DIS3L2: variants seen among roughly 807,000 people sequenced by gnomAD.
The protein encoded by DIS3L2 is DIS3-like exonuclease 2.
Under a neutral mutation model 97.5 loss-of-function variants are expected in DIS3L2, and 34 were observed. That is an observed-to-expected ratio of 0.35 (90% CI 0.27 to 0.46). The LOEUF is 0.46. Among genes scored for constraint, DIS3L2 ranks in the 20% least tolerant of loss-of-function variants. DIS3L2 has a pLI of 1.00. For synonymous variants in DIS3L2, 435 were observed against 445.2 expected, an observed-to-expected ratio of 0.98 and a Z score of 0.29; for missense variants, 1,038 against 1,146.0, an observed-to-expected ratio of 0.91 and a Z score of 1.36.
intron 6 of DIS3L2, among the ~76,000 whole-genome samples, chr2:232,106,336 A>T (rs1697356970): frequency 6.6e-6 from 1 of 152,190 alleles, no homozygotes. Flanking sequence ...ATAATACTGA[A>T]TGAAAATGGT....
intron 4 of DIS3L2, among the ~76,000 whole-genome samples, chr2:232,024,819 G>A (rs1486488358): frequency 6.6e-6 from 1 of 152,034 alleles, no homozygotes; most frequent in East Asian, 1.9e-4. Flanking sequence ...TTTGTACAAG[G>A]CTCTTTACCG....
intron 6 of DIS3L2, among the ~76,000 whole-genome samples, chr2:232,106,471 C>T (rs1219302871): frequency 1.3e-5 from 2 of 152,084 alleles, no homozygotes; most frequent in East Asian, 1.9e-4. Flanking sequence ...CAAAGAAGGG[C>T]ATTACATAAT....
intron 1 of DIS3L2, among the ~76,000 whole-genome samples, chr2:232,003,979 A>G (rs1243745287): frequency 2.0e-5 from 3 of 152,086 alleles, no homozygotes; most frequent in Non-Finnish European, 4.4e-5. Context: ...GAATCTATGT[A>G]TTTATGTTTT....
At chr2:232,299,079 A>C (rs1318807434) in intron 13 of DIS3L2, among the ~76,000 whole-genome samples, 1 of 152,226 alleles carries the variant, frequency 6.6e-6, no homozygotes, top group African/African-American at 2.4e-5. Flanking sequence ...ATTCAGATTC[A>C]AAATCTTGAA....
intron 9 of DIS3L2, among the ~76,000 whole-genome samples, chr2:232,187,530 C>T (rs1691474855): frequency 6.6e-6 from 1 of 152,044 alleles, no homozygotes; most frequent in African/African-American, 2.4e-5. Context: ...GCAACCTCCG[C>T]CTCCCAGGTT....
chr2:232,277,298 T>C (rs1694165992), intron 13 of DIS3L2, among the ~76,000 whole-genome samples: 2 of 152,170 alleles, frequency 1.3e-5, no homozygotes, highest in South Asian at 4.1e-4. Flanking sequence ...CTGCAAAGTA[T>C]TTCATCCTGT....
At chr2:232,316,435 T>A (rs1033013390) in intron 14 of DIS3L2, among the ~76,000 whole-genome samples, 1 of 152,094 alleles carries the variant, frequency 6.6e-6, no homozygotes, top group African/African-American at 2.4e-5. Flanking sequence ...TGTCTCTGCC[T>A]TTACAGTCAG....
chr2:232,004,306 C>G (rs1489025312), intron 1 of DIS3L2, among the ~76,000 whole-genome samples: 1 of 152,146 alleles, frequency 6.6e-6, no homozygotes, highest in Non-Finnish European at 1.5e-5. Flanking sequence ...CTCCTGACTT[C>G]CGGTCATCGA....
At position 232,210,925 on chromosome 2, in the gene DIS3L2, C is replaced by T. The variant is rs147985063; in HGVS notation, c.1204+520C>T. Among the ~76,000 whole-genome samples, 492 of 151,830 alleles carry T rather than the reference C, an allele frequency of 3.2e-3. 3 individuals carry two copies. The highest frequency in any genetic ancestry group is 0.011 in the African/African-American group (447 of 41,372). ...CTACTCCCAGTAGGTTTTCATCTAT[C>T]CAGCAAGTTGAGAAAGGCAAACTGA... On this transcript the variant is annotated intron_variant, in intron 10 of 20. Transcript: ENST00000325385.
intron 5 of DIS3L2, among the ~76,000 whole-genome samples, chr2:232,074,772 C>T (rs114386089): frequency 0.026 from 3,919 of 151,874 alleles, 158 homozygotes; most frequent in African/African-American, 0.087. Context: ...TTGGTAGAGA[C>T]GGAGTTTTGC....
chr2:232,262,967 T>C (rs1693749536), intron 12 of DIS3L2, among the ~76,000 whole-genome samples: 2 of 152,162 alleles, frequency 1.3e-5, no homozygotes, highest in South Asian at 4.1e-4. Flanking sequence ...TTGGGGACCG[T>C]CCATAGGTGT....
intron 5 of DIS3L2, among the ~76,000 whole-genome samples, chr2:232,082,979 G>T (rs1276462351): frequency 6.6e-6 from 1 of 152,202 alleles, no homozygotes; most frequent in Non-Finnish European, 1.5e-5. Context: ...TACAAAGGAA[G>T]AGGACTTGTT....
At chr2:232,027,130 A>G (rs79447970) in intron 4 of DIS3L2, among the ~76,000 whole-genome samples, 2,047 of 152,264 alleles carry the variant, frequency 0.013, 41 homozygotes, top group African/African-American at 0.047. Flanking sequence ...GAAGAGGGCA[A>G]TAATAGAGGC....
chr2:232,206,599 A>G (rs942651752), intron 9 of DIS3L2, among the ~76,000 whole-genome samples: 2 of 152,220 alleles, frequency 1.3e-5, no homozygotes, highest in African/African-American at 2.4e-5. Flanking sequence ...TCACTCACAA[A>G]CAAGTGGCAG....
intron 6 of DIS3L2, among the ~76,000 whole-genome samples, chr2:232,101,823 C>T (rs1471094266): frequency 6.6e-6 from 1 of 152,202 alleles, no homozygotes; most frequent in African/African-American, 2.4e-5. Context: ...GCAATATATA[C>T]AATACAGGTT....
intron 11 of DIS3L2, among the ~76,000 whole-genome samples, chr2:232,246,076 G>T (rs1693239583): frequency 6.6e-6 from 1 of 152,204 alleles, no homozygotes. Flanking sequence ...TGAGGTTTCA[G>T]TGTCTGTGGC....
chr2:232,072,704 G>T (rs1465821143), intron 5 of DIS3L2, among the ~76,000 whole-genome samples: 1 of 152,028 alleles, frequency 6.6e-6, no homozygotes, highest in East Asian at 1.9e-4. Flanking sequence ...TTACTTCCAG[G>T]ATGGAGATGA....
At chr2:232,170,671 T>C (rs1161859586) in intron 9 of DIS3L2, among the ~76,000 whole-genome samples, 1 of 152,226 alleles carries the variant, frequency 6.6e-6, no homozygotes, top group Non-Finnish European at 1.5e-5. Context: ...AACAGGACAT[T>C]GTATTCACTT....
At chr2:232,329,785 T>TCCCGGGGGGGGGACCCCCC in intron 14 of DIS3L2, 28 bp from the exon 15 acceptor site, 1 of 967,144 alleles carries the variant, frequency 1.0e-6, no homozygotes. Context: ...ACCCCAGCGG[T>TCCCGGGGGGGGGACCCCCC]CCCTCCCATC....
Sources: gnomAD v4.1 joint callset for allele counts (sites outside exome capture counted in the v4.1 genomes callset) on GRCh38, gnomAD v4.1.1 for gene constraint, MANE v1.5 for transcripts, NCBI Gene and HGNC (gene_info 2026-07-23, HGNC 2026-07-21) for gene names.